The following KCNIP4 variants were observed in gnomAD, a reference collection of about 807,000 sequenced individuals.
The protein encoded by KCNIP4 is Kv channel-interacting protein 4.
A neutral mutation model predicts 34.0 loss-of-function variants in KCNIP4; 12 were observed. The observed-to-expected ratio is 0.35, with a 90% CI of 0.23 to 0.57. The LOEUF is 0.57. KCNIP4 is among the 20% of genes least tolerant of loss of function. The pLI is 0.83. For synonymous variants in KCNIP4, 124 were observed against 102.2 expected (o/e 1.21, Z -1.29); for missense variants, 238 against 311.7 (o/e 0.76, Z 1.78).
At chr4:20,879,131 C>A (rs1199036740) in intron 2 of KCNIP4, among the ~76,000 whole-genome samples, 1 of 152,190 alleles carries the variant, frequency 6.6e-6, no homozygotes, top group Non-Finnish European at 1.5e-5. Flanking sequence ...GGGCAATTGA[C>A]TGCCTAGGGG....
chr4:20,927,798 T>C (rs1007564401), intron 1 of KCNIP4, among the ~76,000 whole-genome samples: 1 of 152,210 alleles, frequency 6.6e-6, no homozygotes, highest in Non-Finnish European at 1.5e-5. Flanking sequence ...TTCAACTGAA[T>C]AGTAACACTG....
At chr4:20,802,188 T>TATATATGCTATATATATATGCTAC (rs1714363579) in intron 3 of KCNIP4, among the ~76,000 whole-genome samples, 1 of 48,088 alleles carries the variant, frequency 2.1e-5, no homozygotes, top group Non-Finnish European at 4.7e-5. Context: ...ATATATGCTA[T>TATATATGCTATATATATATGCTAC]ATATATGCTA....
At chr4:21,425,430 C>T (rs1460548526) in intron 1 of KCNIP4, among the ~76,000 whole-genome samples, 2 of 152,000 alleles carry the variant, frequency 1.3e-5, no homozygotes, top group African/African-American at 4.8e-5. Flanking sequence ...TTTCTCTAAT[C>T]TTCCTAAACA....
intron 1 of KCNIP4, among the ~76,000 whole-genome samples, chr4:21,279,577 C>A (rs1009044921): frequency 6.7e-5 from 10 of 150,172 alleles, no homozygotes; most frequent in Non-Finnish European, 1.5e-4. Context: ...GAAACAAGAG[C>A]TAATATTAAA....
At chr4:21,071,814 C>T (rs963651441) in intron 1 of KCNIP4, among the ~76,000 whole-genome samples, 4 of 152,096 alleles carry the variant, frequency 2.6e-5, no homozygotes, top group African/African-American at 9.6e-5. Flanking sequence ...CACAACAGTC[C>T]CCGGTGTGTG....
At chr4:21,093,780 A>G (rs1409280499) in intron 1 of KCNIP4, among the ~76,000 whole-genome samples, 3 of 152,142 alleles carry the variant, frequency 2.0e-5, no homozygotes, top group African/African-American at 7.2e-5. Flanking sequence ...GGATATTACA[A>G]CAATTAAAAG....
At chr4:20,904,037 C>T (rs939833298) in intron 1 of KCNIP4, among the ~76,000 whole-genome samples, 2 of 152,014 alleles carry the variant, frequency 1.3e-5, no homozygotes, top group African/African-American at 2.4e-5. Flanking sequence ...TAAAGAATGG[C>T]GTTTACCCAC....
chr4:21,209,187 A>G (rs76313053), intron 1 of KCNIP4, among the ~76,000 whole-genome samples: 6,216 of 152,302 alleles, frequency 0.041, 198 homozygotes, highest in Non-Finnish European at 0.062. Flanking sequence ...GTTTCTATAC[A>G]CACCATGTAT....
intron 1 of KCNIP4, among the ~76,000 whole-genome samples, chr4:21,141,221 T>C (rs1179761540): frequency 1.3e-5 from 2 of 152,152 alleles, no homozygotes; most frequent in Non-Finnish European, 2.9e-5. Flanking sequence ...AGTGAGTACA[T>C]ACTGTTGGAA....
intron 1 of KCNIP4, among the ~76,000 whole-genome samples, chr4:21,765,819 G>GAAAAAAAAAA: frequency 1.1e-5 from 1 of 95,128 alleles, no homozygotes; most frequent in Non-Finnish European, 2.2e-5. Context: ...ACCAGGCCGT[G>GAAAAAAAAAA]AAAAAAAAAA....
chr4:21,830,869 A>G (rs1206956956), intron 1 of KCNIP4, among the ~76,000 whole-genome samples: 1 of 152,208 alleles, frequency 6.6e-6, no homozygotes, highest in Non-Finnish European at 1.5e-5. Context: ...TTTCTCAAGA[A>G]TTAATGAAAT....
intron 1 of KCNIP4, among the ~76,000 whole-genome samples, chr4:21,767,213 C>T (rs1478468875): frequency 6.6e-6 from 1 of 152,012 alleles, no homozygotes; most frequent in Non-Finnish European, 1.5e-5. Flanking sequence ...ACTAGTGATA[C>T]CAGAAGACAC....
At chr4:21,261,609 T>C (rs1332116162) in intron 1 of KCNIP4, among the ~76,000 whole-genome samples, 2 of 152,256 alleles carry the variant, frequency 1.3e-5, no homozygotes, top group African/African-American at 4.8e-5. Context: ...TTTCATCCAG[T>C]CTCACTAATG....
chr4:20,903,912 T>C (rs1032635703), intron 1 of KCNIP4, among the ~76,000 whole-genome samples: 13 of 152,318 alleles, frequency 8.5e-5, no homozygotes, highest in Middle Eastern at 3.4e-3. Context: ...TCTGAAGCCC[T>C]ACTTGCTGCC....
Position 21,816,171 on chromosome 4 carries a change from G to T in KCNIP4, c.61+132400C>A, listed in dbSNP as rs146131471. Reference sequence around the variant, plus strand: ...AGAAGAAAATGTAGGTTTAGAAGAAGTGATAATGACATCACCAGAAGAAGG... The same window carrying T: ...AGAAGAAAATGTAGGTTTAGAAGAATTGATAATGACATCACCAGAAGAAGG... On this transcript the variant is annotated intron_variant, in intron 1 of 8. Coordinates refer to ENST00000382152, the MANE Select transcript of KCNIP4 (RefSeq NM_025221.6). Among the ~76,000 whole-genome samples the T allele has an allele frequency of 3.0e-3, 452 of 152,274 alleles. 2 individuals are homozygous for T. The highest frequency in any genetic ancestry group is 0.01 in the African/African-American group (425 of 41,552).
In KCNIP4 at chr4:21,519,549, T is replaced by TGTGTGTATATGTATGTGTATATACAC. The variant is rs1560479980; in HGVS notation, c.61+429021_61+429022insGTGTATATACACATACATATACACAC. On this transcript the variant is annotated intron_variant, in intron 1 of 8. Coordinates refer to ENST00000382152, the MANE Select transcript of KCNIP4 (RefSeq NM_025221.6). ...GTGTATGTGTATGTGTATATACACA[T>TGTGTGTATATGTATGTGTATATACAC]ATGTGTGTATGTGTATATATACACA... Among the ~76,000 whole-genome samples the TGTGTGTATATGTATGTGTATATACAC allele has an allele frequency of 1.7e-4, 6 of 35,166 alleles. 1 individual carries two copies. Among genetic ancestry groups the TGTGTGTATATGTATGTGTATATACAC allele is most frequent in the Admixed American group, 4.7e-4 (2 of 4,222 alleles). The allele number at this position is 35,166 out of a possible 152,430, so 23.1% of individuals were successfully genotyped here.
At chr4:21,576,641 T>C (rs943301215) in intron 1 of KCNIP4, among the ~76,000 whole-genome samples, 3 of 152,192 alleles carry the variant, frequency 2.0e-5, no homozygotes, top group Non-Finnish European at 4.4e-5. Flanking sequence ...TTTATCCAAA[T>C]TGCTAAATGT....
chr4:21,502,116 CA>C (rs1733415780), intron 1 of KCNIP4, among the ~76,000 whole-genome samples: 1 of 151,744 alleles, frequency 6.6e-6, no homozygotes, highest in Non-Finnish European at 1.5e-5. Flanking sequence ...AATTAAGGTT[CA>C]AAATTATGAG....
chr4:21,510,182 A>AT (rs1189711101), intron 1 of KCNIP4, among the ~76,000 whole-genome samples: 3 of 151,996 alleles, frequency 2.0e-5, no homozygotes, highest in Admixed American at 2.0e-4. Context: ...ATGTTAATGA[A>AT]TTTTGGCTCT....
Sources: gnomAD v4.1 joint callset for allele counts (sites outside exome capture counted in the v4.1 genomes callset) on GRCh38, gnomAD v4.1.1 for gene constraint, MANE v1.5 for transcripts, NCBI Gene and HGNC (gene_info 2026-07-23, HGNC 2026-07-21) for gene names.